LCP1: variants seen among roughly 807,000 people sequenced by gnomAD.
The protein encoded by LCP1 is lymphocyte cytosolic protein 1, also known as plastin-2.
LCP1 carries 23 observed loss-of-function variants against 72.0 expected under a neutral mutation model. The observed-to-expected ratio is 0.32, with a 90% CI of 0.23 to 0.45. The LOEUF is 0.45. LCP1 is among the 20% of genes least tolerant of loss of function. LCP1 has a pLI of 1.00. For synonymous variants in LCP1, 245 were observed against 275.4 expected (o/e 0.89, Z 1.09); for missense variants, 571 against 748.3 (o/e 0.76, Z 2.76).
At chr13:46,128,976 T>A (rs1035886330) in intron 15 of LCP1, among the ~76,000 whole-genome samples, 1 of 152,176 alleles carries the variant, frequency 6.6e-6, no homozygotes, top group Non-Finnish European at 1.5e-5. Context: ...ACTTTATTGA[T>A]CAAATTAAAT....
At chr13:46,169,073 C>A (rs2138277628) in intron 1 of LCP1, among the ~76,000 whole-genome samples, 1 of 152,226 alleles carries the variant, frequency 6.6e-6, no homozygotes, top group South Asian at 2.1e-4. Flanking sequence ...GAAATGACAC[C>A]CAAGTTAAAG....
chr13:46,159,768 T>G, intron 1 of LCP1, 82 bp from the exon 2 acceptor site: 2 of 788,236 alleles, frequency 2.5e-6, no homozygotes, highest in South Asian at 3.1e-5. Flanking sequence ...TTCCCATTTA[T>G]TACATGAAGA....
chr13:46,174,706 C>T (rs56820122), intron 1 of LCP1, among the ~76,000 whole-genome samples: 2,970 of 151,774 alleles, frequency 0.02, 86 homozygotes, highest in African/African-American at 0.065. Flanking sequence ...ATTAGCTGAG[C>T]GTGGTGGTGT....
At chr13:46,177,036 G>A (rs1229924019) in intron 1 of LCP1, among the ~76,000 whole-genome samples, 4 of 152,128 alleles carry the variant, frequency 2.6e-5, no homozygotes, top group Non-Finnish European at 4.4e-5. Context: ...TTTTCCTTCC[G>A]CCAGAAAGAA....
chr13:46,175,434 C>G (rs1318671687), intron 1 of LCP1, among the ~76,000 whole-genome samples: 1 of 152,236 alleles, frequency 6.6e-6, no homozygotes, highest in Non-Finnish European at 1.5e-5. Flanking sequence ...AAATCCAAAT[C>G]TGTCTCTACC....
intron 13 of LCP1, 112 bp downstream of exon 13, chr13:46,142,180 C>T (rs1246838779): frequency 1.4e-5 from 15 of 1,105,140 alleles, no homozygotes; most frequent in Middle Eastern, 4.3e-4. Flanking sequence ...GGTTATGAAG[C>T]TTAGCTTAAA....
rs766537897 is a variant in LCP1, at chr13:46,148,351, C to A, written c.978+1G>T. On this transcript the variant is annotated splice_donor_variant, in intron 9 of 15. Transcript: ENST00000323076. LOFTEE classifies it high-confidence loss of function. ...CAAACACAACTGGGACCTGGCCTTA[C>A]CCGCAGTCCTGACATGTCAATAACA... The A allele has an allele frequency of 6.2e-7, 1 of 1,609,586 alleles. No individual in the cohort carries two copies.
chr13:46,133,354 T>C (rs547504625), intron 14 of LCP1, among the ~76,000 whole-genome samples: 90 of 152,348 alleles, frequency 5.9e-4, no homozygotes, highest in African/African-American at 2.1e-3. Context: ...CCAGGCATGG[T>C]GGCTCACGCC....
intron 1 of LCP1, among the ~76,000 whole-genome samples, 196 bp from the exon 2 acceptor site, chr13:46,159,882 C>G (rs531837134): frequency 1.3e-5 from 2 of 152,314 alleles, no homozygotes; most frequent in Admixed American, 1.3e-4. Context: ...AAAGATGGCT[C>G]TCAACAATTT....
chr13:46,169,356 C>G (rs1278367098), intron 1 of LCP1: 1 of 152,194 alleles, frequency 6.6e-6, no homozygotes, highest in Non-Finnish European at 1.5e-5. Flanking sequence ...TAACATGTGC[C>G]AAATCACATA....
chr13:46,175,577 C>T (rs186561628), intron 1 of LCP1, among the ~76,000 whole-genome samples: 41 of 151,602 alleles, frequency 2.7e-4, no homozygotes, highest in Admixed American at 8.5e-4. Context: ...AGGGTGGGTA[C>T]GGAGGGAGGA....
chr13:46,159,422 A>G (rs1231330695), intron 2 of LCP1, 177 bp downstream of exon 2: 1 of 599,446 alleles, frequency 1.7e-6, no homozygotes, highest in East Asian at 2.8e-5. Flanking sequence ...TTGATAGAGA[A>G]AGTCATTTTA....
At chr13:46,135,862 C>T (rs2045662103) in intron 13 of LCP1, among the ~76,000 whole-genome samples, 1 of 151,530 alleles carries the variant, frequency 6.6e-6, no homozygotes. Context: ...AACTCCTGGG[C>T]TCAAGCAAGC....
chr13:46,163,711 A>G (rs1378753006), intron 1 of LCP1, among the ~76,000 whole-genome samples: 1 of 152,114 alleles, frequency 6.6e-6, no homozygotes, highest in Non-Finnish European at 1.5e-5. Context: ...TTAAAACTAC[A>G]ATATAGTGAG....
chr13:46,135,400 C>T (rs966246106), intron 13 of LCP1, among the ~76,000 whole-genome samples: 1 of 152,206 alleles, frequency 6.6e-6, no homozygotes, highest in East Asian at 1.9e-4. Context: ...TCACCCTCCA[C>T]TTGTGTGCTC....
In LCP1 at chr13:46,160,805, G is replaced by T. The variant is rs543899651; in HGVS notation, c.-24-1119C>A. Among the ~76,000 whole-genome samples, 12 of 152,332 alleles carry T rather than the reference G, an allele frequency of 7.9e-5. No homozygotes were observed. In the South Asian group the frequency reaches 1.5e-3, roughly 18 times the overall value. On this transcript the variant is annotated intron_variant, in intron 1 of 15. Coordinates refer to ENST00000323076, the MANE Select transcript of LCP1 (RefSeq NM_002298.5). The stretch of plus-strand genomic sequence containing the variant: ...TACTGGTGCAGAGGGGATAAGTGGA[G>T]TGGGAGTGTGGGGGTTGGGGTGTTT...
chr13:46,129,011 C>T (rs2138212166), intron 15 of LCP1, among the ~76,000 whole-genome samples: 1 of 152,144 alleles, frequency 6.6e-6, no homozygotes, highest in South Asian at 2.1e-4. Flanking sequence ...ATGAGTGGTC[C>T]CATTTTTTCT....
chr13:46,176,684 T>C (rs563585637), intron 1 of LCP1, among the ~76,000 whole-genome samples: 140 of 152,336 alleles, frequency 9.2e-4, no homozygotes, highest in African/African-American at 3.3e-3. Context: ...CTCTAGAAAG[T>C]GCAACCAGAA....
chr13:46,171,359 A>G (rs2045903578), intron 1 of LCP1, among the ~76,000 whole-genome samples: 1 of 152,062 alleles, frequency 6.6e-6, no homozygotes, highest in Non-Finnish European at 1.5e-5. Context: ...CAAAGCTCTG[A>G]CCTCATGTTA....
Sources: allele counts gnomAD v4.1 joint callset (sites outside exome capture counted in the v4.1 genomes callset), GRCh38; gene constraint gnomAD v4.1.1; transcripts MANE v1.5; gene names NCBI Gene and HGNC (gene_info 2026-07-23, HGNC 2026-07-21).